MTUS2: variants seen among roughly 807,000 people sequenced by gnomAD.
MTUS2 encodes the protein microtubule-associated tumor suppressor candidate 2.
Under a neutral mutation model 114.1 loss-of-function variants are expected in MTUS2, and 40 were observed. The observed-to-expected ratio is 0.35, with a 90% CI of 0.27 to 0.46. The LOEUF (loss-of-function observed/expected upper bound fraction) is 0.46, where lower values mean the gene tolerates loss of function less well. Among genes scored for constraint, MTUS2 ranks in the 20% least tolerant of loss-of-function variants. MTUS2 has a pLI of 1.00. For synonymous variants in MTUS2, 688 were observed against 672.0 expected, an observed-to-expected ratio of 1.02 and a Z score of -0.37; for missense variants, 1,679 against 1,705.4, an observed-to-expected ratio of 0.98 and a Z score of 0.27.
At chr13:28,883,637 T>A (rs142020875) in intron 2 of MTUS2, among the ~76,000 whole-genome samples, 189 of 152,092 alleles carry the variant, frequency 1.2e-3, no homozygotes, top group Admixed American at 2.1e-3. Flanking sequence ...TTGCCAGGGG[T>A]ATGGAATGGG....
intron 2 of MTUS2, among the ~76,000 whole-genome samples, chr13:28,902,323 A>G (rs1446779317): frequency 2.0e-5 from 3 of 152,132 alleles, no homozygotes; most frequent in Non-Finnish European, 4.4e-5. Context: ...TTTTCTTGCC[A>G]TATTTTGCTG....
intron 2 of MTUS2, among the ~76,000 whole-genome samples, chr13:29,007,259 T>C (rs1489434174): frequency 2.6e-5 from 4 of 152,286 alleles, no homozygotes; most frequent in Admixed American, 2.6e-4. Flanking sequence ...TTTATTATAG[T>C]GATAAAAGGC....
chr13:29,131,655 C>G (rs1593510394), intron 5 of MTUS2, among the ~76,000 whole-genome samples: 1 of 152,266 alleles, frequency 6.6e-6, no homozygotes, highest in Non-Finnish European at 1.5e-5. Context: ...GGGATTAATG[C>G]TGTGAAAGAT....
chr13:28,880,546 C>T (rs1013099191), intron 2 of MTUS2, among the ~76,000 whole-genome samples: 3 of 152,176 alleles, frequency 2.0e-5, no homozygotes, highest in African/African-American at 7.2e-5. Context: ...GAAAATTAAA[C>T]ATTGAAGATC....
At chr13:29,090,949 G>GCAGC (rs1165541068) in intron 4 of MTUS2, among the ~76,000 whole-genome samples, 2 of 152,102 alleles carry the variant, frequency 1.3e-5, no homozygotes, top group African/African-American at 4.8e-5. Flanking sequence ...GGAGTATCCT[G>GCAGC]CAGCTAGGAT....
At chr13:29,005,042 C>T (rs1341760896) in intron 2 of MTUS2, among the ~76,000 whole-genome samples, 2 of 152,198 alleles carry the variant, frequency 1.3e-5, no homozygotes, top group Non-Finnish European at 2.9e-5. Context: ...CATGGTGCAG[C>T]CAATGAGGCC....
At chr13:29,369,898 C>A in intron 8 of MTUS2, among the ~76,000 whole-genome samples, 1 of 151,820 alleles carries the variant, frequency 6.6e-6, no homozygotes, top group African/African-American at 2.4e-5. Context: ...GGTCAGAATT[C>A]TGTATTTATT....
At position 29,487,927 on chromosome 13, in the gene MTUS2, G is replaced by A; in HGVS notation, c.3427G>A (p.Ala1143Thr). 6.2e-7 allele frequency: 1 copy of A among 1,614,096 alleles called. No individual in the cohort carries two copies. The highest frequency in any genetic ancestry group is 8.5e-7 in the Non-Finnish European group (1 of 1,180,006). Reference sequence around the variant, plus strand: ...GGAAGATCTCACCGCCAGCCATGATGCTGCTCTCCTAGAGATGGAAAATAA... The same window carrying A: ...GGAAGATCTCACCGCCAGCCATGATACTGCTCTCCTAGAGATGGAAAATAA... Reference protein sequence around the residue: ...QVEDLTASHDAALLEMENNHT... With the variant: ...QVEDLTASHDTALLEMENNHT... The change falls in exon 11 of 16, where the codon GCT (alanine) becomes ACT (threonine). Residue 1143 changes from alanine to threonine, a missense_variant. Ala to Thr is a moderately conservative substitution (Grantham distance 58). Transcript: ENST00000612955.
intron 5 of MTUS2, among the ~76,000 whole-genome samples, chr13:29,118,349 G>A (rs1891172851): frequency 6.6e-6 from 1 of 152,046 alleles, no homozygotes; most frequent in Non-Finnish European, 1.5e-5. Context: ...TGAGGTTAGT[G>A]ATGGACACTG....
intron 4 of MTUS2, among the ~76,000 whole-genome samples, chr13:29,078,273 A>T (rs1889287119): frequency 6.6e-6 from 1 of 152,224 alleles, no homozygotes; most frequent in African/African-American, 2.4e-5. Context: ...ATTCATTTAG[A>T]AGAGTCTTTG....
At chr13:28,976,220 A>AG (rs1243023723) in intron 2 of MTUS2, among the ~76,000 whole-genome samples, 63 of 104,010 alleles carry the variant, frequency 6.1e-4, no homozygotes, top group African/African-American at 2.3e-3. Flanking sequence ...AAAAAAAAAA[A>AG]AAAAGAAAAG....
intron 1 of MTUS2, among the ~76,000 whole-genome samples, chr13:28,823,886 T>A (rs1421531012): frequency 2.6e-5 from 4 of 151,658 alleles, no homozygotes; most frequent in Admixed American, 2.0e-4. Context: ...GAGAGAAAAA[T>A]GAGCAAAAGG....
intron 5 of MTUS2, among the ~76,000 whole-genome samples, chr13:29,167,866 G>T (rs955484648): frequency 6.6e-6 from 1 of 152,192 alleles, no homozygotes; most frequent in African/African-American, 2.4e-5. Context: ...TTCAGGTAAA[G>T]GATACGCAGA....
chr13:29,193,064 G>C (rs1429842009), intron 5 of MTUS2, among the ~76,000 whole-genome samples: 1 of 152,130 alleles, frequency 6.6e-6, no homozygotes, highest in Non-Finnish European at 1.5e-5. Context: ...TTACATTTTA[G>C]GTCAATGAGC....
intron 6 of MTUS2, among the ~76,000 whole-genome samples, chr13:29,309,817 T>A (rs1002833231): frequency 6.6e-6 from 1 of 152,168 alleles, no homozygotes; most frequent in Non-Finnish European, 1.5e-5. Flanking sequence ...ATTTATGGGG[T>A]ACATGCCATG....
Position 29,444,224 on chromosome 13 carries a change from G to C in MTUS2, c.3184+4175G>C, listed in dbSNP as rs1247023600. 2.6e-5 allele frequency among the ~76,000 whole-genome samples: 4 copies of C among 152,174 alleles called. No individual in the cohort carries two copies. The East Asian group carries it at 7.7e-4, about 29-fold the overall frequency. ...GGATCACCTGAGGTCAGGAGTTGGA[G>C]ACCAGCCTGGCCAACGTGGTCAAAC... is the stretch of plus-strand genomic sequence containing the variant. On this transcript the variant is annotated intron_variant, in intron 9 of 15. Coordinates refer to ENST00000612955, the MANE Select transcript of MTUS2 (RefSeq NM_001033602.4).
intron 2 of MTUS2, among the ~76,000 whole-genome samples, chr13:28,924,440 T>C (rs1268544693): frequency 2.0e-5 from 3 of 152,210 alleles, no homozygotes; most frequent in Admixed American, 6.5e-5. Flanking sequence ...AGCAGTATCC[T>C]CCCGCTCTTG....
At chr13:29,125,698 A>AAT (rs944105126) in intron 5 of MTUS2, among the ~76,000 whole-genome samples, 7 of 152,202 alleles carry the variant, frequency 4.6e-5, no homozygotes, top group African/African-American at 1.2e-4. Flanking sequence ...AAGTTATAAA[A>AAT]ATCACTCAGT....
intron 5 of MTUS2, among the ~76,000 whole-genome samples, chr13:29,232,926 A>G (rs1479205717): frequency 1.3e-5 from 2 of 152,178 alleles, no homozygotes; most frequent in Admixed American, 6.5e-5. Flanking sequence ...GTTGTTTTCA[A>G]CTGAATTAGG....
Sources: allele counts gnomAD v4.1 joint callset (sites outside exome capture counted in the v4.1 genomes callset), GRCh38; gene constraint gnomAD v4.1.1; transcripts MANE v1.5; gene names NCBI Gene and HGNC (gene_info 2026-07-23, HGNC 2026-07-21).